PCDHGA5: variants seen among roughly 807,000 people sequenced by gnomAD.
PCDHGA5 encodes protocadherin gamma subfamily A, 5, also known as protocadherin gamma-A5.
PCDHGA5 carries 36 observed loss-of-function variants against 56.7 expected under a neutral mutation model. The ratio of observed to expected loss-of-function variants is 0.64; its 90% confidence interval spans 0.49 to 0.84. PCDHGA5 has a LOEUF of 0.84. Ranked by LOEUF, PCDHGA5 falls within the 40% of genes least tolerant of loss-of-function variation. The pLI, the probability that PCDHGA5 is intolerant of heterozygous loss-of-function variation, is 0.00. For synonymous variants in PCDHGA5, 563 were observed against 520.2 expected, an observed-to-expected ratio of 1.08 and a Z score of -1.12; for missense variants, 1,305 against 1,201.5, an observed-to-expected ratio of 1.09 and a Z score of -1.27.
chr5:141,383,832 A>G, intron 1 of PCDHGA5: 1 of 1,613,926 alleles, frequency 6.2e-7, no homozygotes, highest in Non-Finnish European at 8.5e-7. Flanking sequence ...ATTATGAAGA[A>G]ACTGCCTTCT....
At chr5:141,380,964 T>G (rs774157943) in intron 1 of PCDHGA5, among the ~76,000 whole-genome samples, 7 of 152,256 alleles carry the variant, frequency 4.6e-5, no homozygotes, top group Non-Finnish European at 1.0e-4. Flanking sequence ...TCAAAAGTAC[T>G]ATTAAACAAA....
At chr5:141,395,259 C>CT in intron 1 of PCDHGA5, 1 of 1,551,968 alleles carries the variant, frequency 6.4e-7, no homozygotes, top group Non-Finnish European at 8.7e-7. Flanking sequence ...TCTTTGCTTG[C>CT]TTTTAATTTC....
intron 1 of PCDHGA5, among the ~76,000 whole-genome samples, chr5:141,450,233 G>A (rs2098674391): frequency 6.6e-6 from 1 of 152,026 alleles, no homozygotes; most frequent in Non-Finnish European, 1.5e-5. Flanking sequence ...GGCCAGGCTA[G>A]TCTTGAACTC....
intron 1 of PCDHGA5, chr5:141,413,488 C>T (rs2095648022): frequency 3.1e-6 from 5 of 1,613,868 alleles, no homozygotes; most frequent in Non-Finnish European, 3.4e-6. Context: ...TCAGAGCGCG[C>T]GGTGCGTGGT....
intron 1 of PCDHGA5, among the ~76,000 whole-genome samples, chr5:141,460,620 C>G (rs185269852): frequency 5.6e-4 from 85 of 151,856 alleles, no homozygotes; most frequent in African/African-American, 1.9e-3. Context: ...GATAGATAGA[C>G]AGATACAGAT....
Position 141,491,885 on chromosome 5 carries a change from G to T in PCDHGA5, c.2422-2922G>T. On this transcript the variant is annotated intron_variant, in intron 1 of 3. Transcript: ENST00000518069. The surrounding 1 kb of genome is among the most constrained non-coding windows in gnomAD (Gnocchi z 6.9). ...ACCAGAGTGGCCGATTAAGGGATGG[G>T]GCTCCGAGCACCGGGGGTGGTGGCG... The T allele has an allele frequency of 6.9e-7, 1 of 1,445,748 alleles. No homozygotes were observed. Among genetic ancestry groups the T allele is most frequent in the Non-Finnish European group, 9.1e-7 (1 of 1,093,758 alleles). The allele number at this position is 1,445,748 out of a possible 1,614,324, so 89.6% of individuals were successfully genotyped here. A position where few individuals can be genotyped will look rare whatever the true frequency, so the allele number is the denominator to read the frequency against.
chr5:141,427,425 AC>A (rs1184817093), intron 1 of PCDHGA5: 2 of 469,034 alleles, frequency 4.3e-6, no homozygotes, highest in Non-Finnish European at 8.5e-6. Flanking sequence ...TGGGGAGGTT[AC>A]ATGCCTCATA....
intron 1 of PCDHGA5, chr5:141,428,653 T>A (rs952656382): frequency 1.8e-5 from 3 of 167,524 alleles, no homozygotes; most frequent in Admixed American, 1.1e-4. Flanking sequence ...TCACGTGAGT[T>A]CCAATGAATG....
At chr5:141,471,504 G>A (rs1487198851) in intron 1 of PCDHGA5, 1 of 152,214 alleles carries the variant, frequency 6.6e-6, no homozygotes, top group Non-Finnish European at 1.5e-5. Flanking sequence ...ATGCAAGAGA[G>A]GGAGTAAAAA....
chr5:141,372,000 G>C (rs762846056), intron 1 of PCDHGA5: 3 of 1,613,268 alleles, frequency 1.9e-6, no homozygotes, highest in Middle Eastern at 1.7e-4. Context: ...GCAGGCCCGC[G>C]ACCAGGGCTC....
rs113212669 is a variant in PCDHGA5 at position 141,465,048 on chromosome 5, A to T, written c.2422-29759A>T. 2.4e-3 allele frequency among the ~76,000 whole-genome samples: 362 copies of T among 151,344 alleles called. 4 individuals are homozygous for T. Among genetic ancestry groups the T allele is most frequent in the African/African-American group, 8.4e-3 (346 of 41,268 alleles). On this transcript the variant is annotated intron_variant, in intron 1 of 3. Transcript: ENST00000518069. ...TGAACCACCACAAATGACCCTATAT[A>T]TTTTTTTGAATTGTCTGTTCATGTC...
chr5:141,508,994 A>G (rs2099873731), intron 3 of PCDHGA5, among the ~76,000 whole-genome samples: 1 of 152,052 alleles, frequency 6.6e-6, no homozygotes, highest in South Asian at 2.1e-4. Flanking sequence ...CAGCTGGGGT[A>G]GGAGAGGAGG....
At position 141,394,145 on chromosome 5, in the gene PCDHGA5, C is replaced by T. The variant is rs754958885; in HGVS notation, c.2421+27394C>T. The T allele has an allele frequency of 3.7e-6, 6 of 1,613,962 alleles. No homozygotes were observed. The East Asian group carries it at 8.9e-5, about 24-fold the overall frequency. On this transcript the variant is annotated intron_variant, in intron 1 of 3. Transcript: ENST00000518069. ...CTCAAATCGCTCTGCACGTGGCAGA[C>T]ATTAACGACAACCCTCCTACTTTCC...
In PCDHGA5 at chr5:141,382,780, A is replaced by G. The variant is rs1050419701; in HGVS notation, c.2421+16029A>G. On this transcript the variant is annotated intron_variant, in intron 1 of 3. Coordinates refer to ENST00000518069, the MANE Select transcript of PCDHGA5 (RefSeq NM_018918.3). ...CCCTCTTCCAGGCTGCACTAAACTC[A>G]AGCCTCTATCCTGCTGGATTCTGAG... 10 of 836,240 alleles carry G rather than the reference A, an allele frequency of 1.2e-5. No homozygotes were observed. The South Asian group carries it at 2.0e-4, about 17-fold the overall frequency. 51.8% of individuals were successfully genotyped at this position (836,240 alleles called of 1,614,324 possible). A position where few individuals can be genotyped will look rare whatever the true frequency, so the allele number is the denominator to read the frequency against.
At chr5:141,395,315 G>A in intron 1 of PCDHGA5, 1 of 1,486,272 alleles carries the variant, frequency 6.7e-7, no homozygotes, top group Middle Eastern at 1.8e-4. Context: ...AAAACATTGT[G>A]AAGATAGTTG....
intron 1 of PCDHGA5, among the ~76,000 whole-genome samples, chr5:141,400,911 CAAAG>C (rs1162228499): frequency 6.6e-6 from 1 of 152,176 alleles, no homozygotes; most frequent in Non-Finnish European, 1.5e-5. Flanking sequence ...TCTTTTAAAG[CAAAG>C]AAACTGCTAG....
intron 1 of PCDHGA5, chr5:141,392,749 A>G (rs2092584642): frequency 6.9e-7 from 1 of 1,449,652 alleles, no homozygotes; most frequent in Admixed American, 2.8e-5. Flanking sequence ...AGCTGCGGCA[A>G]GAAACTAAAT....
chr5:141,394,475 C>T (rs1205262995), intron 1 of PCDHGA5: 1 of 1,614,242 alleles, frequency 6.2e-7, no homozygotes, highest in South Asian at 1.1e-5. Context: ...TCGTGCTGGA[C>T]CAGAATGACA....
intron 1 of PCDHGA5, among the ~76,000 whole-genome samples, chr5:141,382,280 A>G (rs1218087661): frequency 6.6e-6 from 1 of 152,232 alleles, no homozygotes; most frequent in African/African-American, 2.4e-5. Context: ...TATGTGTTCA[A>G]TTAATACTGA....
Sources: allele counts gnomAD v4.1 joint callset (sites outside exome capture counted in the v4.1 genomes callset), GRCh38; gene constraint gnomAD v4.1.1; non-coding constraint Gnocchi (gnomAD v3.1); transcripts MANE v1.5; gene names NCBI Gene and HGNC (gene_info 2026-07-23, HGNC 2026-07-21).